TOGARAM1: variants seen among roughly 807,000 people sequenced by gnomAD.
TOGARAM1 encodes the protein TOG array regulator of axonemal microtubules protein 1.
In TOGARAM1, 100 loss-of-function variants were observed where a neutral mutation model predicts 166.6. The observed-to-expected ratio is 0.60, with a 90% CI of 0.51 to 0.71. The LOEUF (loss-of-function observed/expected upper bound fraction) is 0.71. Among genes scored for constraint, TOGARAM1 ranks in the 30% least tolerant of loss-of-function variants. The pLI is 0.00. For missense variants in TOGARAM1, 2,029 were observed against 2,102.7 expected, an observed-to-expected ratio of 0.96 and a Z score of 0.69; for synonymous variants, 758 against 763.8, an observed-to-expected ratio of 0.99 and a Z score of 0.13.
chr14:45,041,920 GC>G (rs1881748663), intron 11 of TOGARAM1, among the ~76,000 whole-genome samples: 1 of 152,136 alleles, frequency 6.6e-6, no homozygotes, highest in Non-Finnish European at 1.5e-5. Flanking sequence ...ACACTACTAC[GC>G]CTGGCTAATT....
chr14:45,037,804 G>A (rs180808832), intron 11 of TOGARAM1, among the ~76,000 whole-genome samples: 2,301 of 151,650 alleles, frequency 0.015, 26 homozygotes, highest in Non-Finnish European at 0.023. Flanking sequence ...GAGGCGGGCG[G>A]ATCACGAGGT....
chr14:45,044,534 C>T, intron 12 of TOGARAM1, 101 bp from the exon 13 acceptor site: 1 of 736,960 alleles, frequency 1.4e-6, no homozygotes, highest in Non-Finnish European at 1.9e-6. Context: ...GAGCGAGACC[C>T]TAACTCAAAA....
At chr14:45,044,551 AC>A in intron 12 of TOGARAM1, 83 bp from the exon 13 acceptor site, 3 of 1,083,218 alleles carry the variant, frequency 2.8e-6, no homozygotes, top group South Asian at 3.1e-5. Context: ...AAAAAAAAAA[AC>A]ATTGTAAAAT....
chr14:44,962,282 G>C lies in TOGARAM1; in HGVS notation c.-140G>C. The C allele has an allele frequency of 9.2e-7, 1 of 1,086,816 alleles. No homozygotes were observed. Among genetic ancestry groups the C allele is most frequent in the Non-Finnish European group, 1.2e-6 (1 of 802,634 alleles). 67.3% of individuals were successfully genotyped at this position (1,086,816 alleles called of 1,614,324 possible). A position where few individuals can be genotyped will look rare whatever the true frequency, so the allele number is the denominator to read the frequency against. On this transcript the variant is annotated 5_prime_UTR_variant, in exon 1 of 20. Coordinates refer to ENST00000361462, the MANE Select transcript of TOGARAM1 (RefSeq NM_001308120.2). ...CAGAGGCTGCCTCCCGGAGTTGGGGGCGGCCTGGCGGCAGGCTGAAGCTGT... is the reference window on the plus strand; with the variant it reads ...CAGAGGCTGCCTCCCGGAGTTGGGGCCGGCCTGGCGGCAGGCTGAAGCTGT...
rs1411725050 is a variant in TOGARAM1 at position 45,045,571 on chromosome 14, ATATATATATATATGTGTGTG to A, written c.4154+703_4154+722del. Among the ~76,000 whole-genome samples, 275 of 40,746 alleles carry A rather than the reference ATATATATATATATGTGTGTG, an allele frequency of 6.7e-3. 2 individuals carry two copies. The highest frequency in any genetic ancestry group is 0.015 in the African/African-American group (104 of 7,028). 26.7% of individuals were successfully genotyped at this position (40,746 alleles called of 152,430 possible). On this transcript the variant is annotated intron_variant, in intron 13 of 19. Transcript: ENST00000361462. ...TATATATATATATATATATATATAT[ATATATATATATATGTGTGTG>A]TGTGTGTGTGTGTGTGTGTGTGTGT... is the stretch of plus-strand genomic sequence containing the variant.
At position 45,073,567 on chromosome 14, in the gene TOGARAM1, C is replaced by G; in HGVS notation, c.*6C>G. ...CAATTTTAAATGAATTATGAATCTT[C>G]GATAAAATACTGTATGATGAACAAA... On this transcript the variant is annotated 3_prime_UTR_variant, in exon 20 of 20. Coordinates refer to ENST00000361462, the MANE Select transcript of TOGARAM1 (RefSeq NM_001308120.2). The G allele has an allele frequency of 6.2e-7, 1 of 1,608,026 alleles. No homozygotes were observed. Among genetic ancestry groups the G allele is most frequent in the South Asian group, 1.1e-5 (1 of 90,344 alleles).
chr14:45,062,554 T>C (rs1441804230), intron 16 of TOGARAM1, among the ~76,000 whole-genome samples: 1 of 152,146 alleles, frequency 6.6e-6, no homozygotes, highest in African/African-American at 2.4e-5. Flanking sequence ...ACACATGGTG[T>C]CCAACTTAGG....
At chr14:45,006,987 G>A (rs549395751) in intron 5 of TOGARAM1, 8 of 152,006 alleles carry the variant, frequency 5.3e-5, no homozygotes, top group Admixed American at 1.3e-4. Context: ...CAAGGAATGC[G>A]GTTGCTGTAT....
At chr14:44,991,562 A>G (rs1013815703) in intron 1 of TOGARAM1, among the ~76,000 whole-genome samples, 1 of 152,202 alleles carries the variant, frequency 6.6e-6, no homozygotes, top group African/African-American at 2.4e-5. Flanking sequence ...ATACACAAAG[A>G]TATGTGTGTA....
chr14:44,981,889 G>C (rs190756374), intron 1 of TOGARAM1, among the ~76,000 whole-genome samples: 55 of 144,378 alleles, frequency 3.8e-4, no homozygotes, highest in African/African-American at 1.3e-3. Context: ...TGTTGTCCAG[G>C]CTGGAGTGCA....
Position 45,028,326 on chromosome 14 carries a change from G to A in TOGARAM1, c.3655G>A (p.Glu1219Lys). 6.3e-7 allele frequency: 1 copy of A among 1,581,270 alleles called. No individual in the cohort carries two copies. Among genetic ancestry groups the A allele is most frequent in the Non-Finnish European group, 8.5e-7 (1 of 1,171,710 alleles). ...TACAGGAACTGAGAAAATGGCATCT[G>A]AAAGTAAGTGGAATTTAAGTTTTGG... Reference protein sequence around the residue: ...RHTGTEKMASESETPTGAISQ... With the variant: ...RHTGTEKMASKSETPTGAISQ... Residue 1219 changes from glutamate to lysine, a missense_variant, in exon 10 of 20, where the codon GAA becomes AAA. By Grantham distance (56) the Glu-to-Lys change is moderately conservative. Around this residue, in one of 2 missense-constraint regions of TOGARAM1, gnomAD observed 576 missense variants for 670.5 expected, o/e 0.86. Coordinates refer to ENST00000361462, the MANE Select transcript of TOGARAM1 (RefSeq NM_001308120.2).
At chr14:44,991,950 G>T (rs1222698764) in intron 1 of TOGARAM1, among the ~76,000 whole-genome samples, 1 of 150,492 alleles carries the variant, frequency 6.6e-6, no homozygotes, top group African/African-American at 2.4e-5. Flanking sequence ...TGTAATTAAA[G>T]TTTATAGCCA....
chr14:45,019,787 G>A (rs1280893622), intron 7 of TOGARAM1, among the ~76,000 whole-genome samples: 2 of 152,300 alleles, frequency 1.3e-5, no homozygotes, highest in East Asian at 3.9e-4. Flanking sequence ...GTCGGCCTAG[G>A]AAATCCAGCT....
At chr14:45,034,365 TGAG>T (rs1396731479) in intron 11 of TOGARAM1, among the ~76,000 whole-genome samples, 1 of 151,976 alleles carries the variant, frequency 6.6e-6, no homozygotes, top group African/African-American at 2.4e-5. Context: ...GCTGAGAGTT[TGAG>T]GAGGCCATGG....
At chr14:45,045,738 C>CACATATGTATATATATACACATATATAT (rs1555350649) in intron 13 of TOGARAM1, among the ~76,000 whole-genome samples, 1 of 132,342 alleles carries the variant, frequency 7.6e-6, no homozygotes, top group African/African-American at 3.0e-5. Context: ...CATATATATA[C>CACATATGTATATATATACACATATATAT]ACATATGTAT....
Position 45,054,555 on chromosome 14 carries a change from A to G in TOGARAM1, c.4559+6A>G, listed in dbSNP as rs1166068698. 1 of 1,568,538 alleles carries G rather than the reference A, an allele frequency of 6.4e-7. No individual in the cohort carries two copies. The highest frequency in any genetic ancestry group is 8.8e-7 in the Non-Finnish European group (1 of 1,139,784). The stretch of plus-strand genomic sequence containing the variant: ...GCTTTCAATTCAGCTGAAAGGTAAG[A>G]TGATGTAATAGTCCTCATCAGAGAA... On this transcript the variant is annotated splice_donor_region_variant and intron_variant, in intron 16 of 19. Coordinates refer to ENST00000361462, the MANE Select transcript of TOGARAM1 (RefSeq NM_001308120.2).
At chr14:45,039,096 G>A (rs542064391) in intron 11 of TOGARAM1, among the ~76,000 whole-genome samples, 3 of 151,650 alleles carry the variant, frequency 2.0e-5, no homozygotes, top group Admixed American at 6.6e-5. Flanking sequence ...TCGTTTTGGT[G>A]TCTCTGCAGC....
chr14:45,000,019 G>A (rs906551777), intron 3 of TOGARAM1, among the ~76,000 whole-genome samples: 1 of 152,054 alleles, frequency 6.6e-6, no homozygotes, highest in Non-Finnish European at 1.5e-5. Flanking sequence ...TTGAGATGGA[G>A]TCTTGCTCTG....
chr14:45,054,817 T>G (rs1882552001), intron 16 of TOGARAM1, among the ~76,000 whole-genome samples: 1 of 152,222 alleles, frequency 6.6e-6, no homozygotes, highest in Non-Finnish European at 1.5e-5. Context: ...CAACTCTGAT[T>G]AATTTTTTAA....
Sources: gnomAD v4.1 joint callset for allele counts (sites outside exome capture counted in the v4.1 genomes callset) on GRCh38, gnomAD v4.1.1 for gene constraint, gnomAD v4.1.1 regional missense constraint, MANE v1.5 for transcripts, NCBI Gene and HGNC (gene_info 2026-07-23, HGNC 2026-07-21) for gene names.